NYAP2: variants seen among roughly 807,000 people sequenced by gnomAD.
NYAP2 encodes the protein neuronal tyrosine-phosphorylated phosphoinositide-3-kinase adapter 2.
Under a neutral mutation model 50.4 loss-of-function variants are expected in NYAP2, and 23 were observed. The observed-to-expected ratio is 0.46, with a 90% CI of 0.33 to 0.65. NYAP2 has a LOEUF of 0.65. NYAP2 is among the 30% of genes least tolerant of loss of function. NYAP2 has a pLI of 0.02. For synonymous variants in NYAP2, 394 were observed against 365.2 expected, an observed-to-expected ratio of 1.08 and a Z score of -0.90; for missense variants, 885 against 861.0, an observed-to-expected ratio of 1.03 and a Z score of -0.35.
In NYAP2 at chr2:225,581,939, A is replaced by G. The variant is rs1247408280; in HGVS notation, c.524-2A>G. On this transcript the variant is annotated splice_acceptor_variant, in intron 4 of 6. Coordinates refer to ENST00000636099, the Ensembl canonical transcript of NYAP2. LOFTEE classifies it high-confidence loss of function. ...ATTCCACTACGTTTTTTCTTCTTTT[A>G]GCGTCAGCTAAACCAAGACCCCACA... The G allele has an allele frequency of 6.3e-7, 1 of 1,586,080 alleles. No individual in the cohort carries two copies. The highest frequency in any genetic ancestry group is 8.6e-7 in the Non-Finnish European group (1 of 1,162,964).
At chr2:225,673,890 T>C in the NYAP2 span, among the ~76,000 whole-genome samples, 1 of 152,148 alleles carries the variant, frequency 6.6e-6, no homozygotes, top group Non-Finnish European at 1.5e-5. Flanking sequence ...GTGTACTCAC[T>C]ACCAACAGTC....
Position 225,582,722 on chromosome 2 carries a change from C to T in NYAP2, c.1305C>T (p.Thr435=), listed in dbSNP as rs1182623025. Residue 435 remains threonine, a synonymous_variant, in exon 5 of 7, where the codon ACC becomes ACT. Transcript: ENST00000636099. The surrounding 1 kb of genome is among the most constrained non-coding windows in gnomAD (Gnocchi z 7.0). ...ATGGCTACCCTAAAAGTCACTCCAC[C>T]TCTCCCTCCCCCGTCAGCATGGGGA... 5 of 1,611,052 alleles carry T rather than the reference C, an allele frequency of 3.1e-6. No homozygotes were observed. The highest frequency in any genetic ancestry group is 1.7e-5 in the Admixed American group (1 of 59,878).
intron 3 of NYAP2, 56 bp from the exon 4 acceptor site, chr2:225,513,315 C>T (rs1220339098): frequency 2.0e-6 from 3 of 1,515,402 alleles, no homozygotes; most frequent in East Asian, 4.5e-5. Context: ...CATGTATGAT[C>T]TTGTATATCC....
At chr2:225,469,769 ATG>A (rs957762214) in intron 3 of NYAP2, among the ~76,000 whole-genome samples, 97 of 152,262 alleles carry the variant, frequency 6.4e-4, no homozygotes, top group African/African-American at 2.2e-3. Flanking sequence ...AAAACACTGT[ATG>A]TTCTCACTCA....
At chr2:225,635,664 T>C (rs1693401439) in intron 6 of NYAP2, among the ~76,000 whole-genome samples, 1 of 152,328 alleles carries the variant, frequency 6.6e-6, no homozygotes, top group South Asian at 2.1e-4. Context: ...TATGCTTCAT[T>C]GACTTGTGCA....
intron 4 of NYAP2, among the ~76,000 whole-genome samples, chr2:225,531,079 C>T (rs571009701): frequency 6.6e-6 from 1 of 152,186 alleles, no homozygotes; most frequent in Non-Finnish European, 1.5e-5. Context: ...ATTATAGCAC[C>T]ATTCTGCTCA....
intron 5 of NYAP2, among the ~76,000 whole-genome samples, chr2:225,613,258 G>A (rs572263510): frequency 6.6e-6 from 1 of 152,106 alleles, no homozygotes; most frequent in Non-Finnish European, 1.5e-5. Context: ...TCCAAAGGCC[G>A]AAGAACCTGA....
At chr2:225,458,206 C>T (rs542753085) in intron 3 of NYAP2, among the ~76,000 whole-genome samples, 105 of 152,154 alleles carry the variant, frequency 6.9e-4, no homozygotes, top group African/African-American at 2.5e-3. Flanking sequence ...TTGTACTCTG[C>T]GTACTACAGG....
intron 5 of NYAP2, among the ~76,000 whole-genome samples, chr2:225,600,081 T>C (rs1692669253): frequency 6.6e-6 from 1 of 152,140 alleles, no homozygotes. Flanking sequence ...TTATTATTAC[T>C]CAGATCAGTC....
chr2:225,551,742 A>G (rs1691681245), intron 4 of NYAP2, among the ~76,000 whole-genome samples: 1 of 152,222 alleles, frequency 6.6e-6, no homozygotes, highest in South Asian at 2.1e-4. Context: ...CTTGGCCTCA[A>G]ACATTTTATT....
At chr2:225,536,271 T>C (rs542858816) in intron 4 of NYAP2, among the ~76,000 whole-genome samples, 115 of 152,294 alleles carry the variant, frequency 7.6e-4, no homozygotes, top group African/African-American at 2.6e-3. Context: ...TACCACATGG[T>C]AGGCAGCACA....
intron 3 of NYAP2, among the ~76,000 whole-genome samples, chr2:225,421,109 C>A (rs557419422): frequency 1.3e-5 from 2 of 151,826 alleles, no homozygotes; most frequent in African/African-American, 4.8e-5. Flanking sequence ...AGGGATCTCA[C>A]TATGTTGCCC....
At chr2:225,579,378 G>C (rs1302646246) in intron 4 of NYAP2, among the ~76,000 whole-genome samples, 2 of 152,056 alleles carry the variant, frequency 1.3e-5, no homozygotes, top group Non-Finnish European at 1.5e-5. Context: ...ATCTATACTT[G>C]GTTTGTCATT....
chr2:225,409,090 A>G, exon 3 of NYAP2: 1 of 1,591,818 alleles, frequency 6.3e-7, no homozygotes, highest in Non-Finnish European at 8.6e-7. Context: ...GACAAGAAGA[A>G]GCAATAAAGC....
chr2:225,426,407 G>A (rs1461562156), intron 3 of NYAP2, among the ~76,000 whole-genome samples: 1 of 152,186 alleles, frequency 6.6e-6, no homozygotes, highest in African/African-American at 2.4e-5. Context: ...TGCTAAGTCA[G>A]TGTGAACTCT....
At chr2:225,527,995 T>C (rs1691183570) in intron 4 of NYAP2, among the ~76,000 whole-genome samples, 1 of 152,166 alleles carries the variant, frequency 6.6e-6, no homozygotes, top group Non-Finnish European at 1.5e-5. Context: ...AAGCAATAAT[T>C]ATAACTGGAA....
intron 4 of NYAP2, among the ~76,000 whole-genome samples, chr2:225,556,038 T>C (rs1369128670): frequency 6.6e-6 from 1 of 152,216 alleles, no homozygotes; most frequent in Non-Finnish European, 1.5e-5. Context: ...GTTTATTGTC[T>C]AAGTCCTACT....
chr2:225,473,063 G>T (rs1437157283), intron 3 of NYAP2, among the ~76,000 whole-genome samples: 2 of 152,112 alleles, frequency 1.3e-5, no homozygotes, highest in Non-Finnish European at 2.9e-5. Context: ...GCGGTGTTTG[G>T]TTTTTTGTCC....
chr2:225,572,018 A>G (rs542215891), intron 4 of NYAP2, among the ~76,000 whole-genome samples: 1 of 152,350 alleles, frequency 6.6e-6, no homozygotes, highest in Admixed American at 6.5e-5. Context: ...TCTTTGCTAA[A>G]GCATAGCAAG....
Sources: allele counts gnomAD v4.1 joint callset (sites outside exome capture counted in the v4.1 genomes callset), GRCh38; gene constraint gnomAD v4.1.1; non-coding constraint Gnocchi (gnomAD v3.1); transcripts MANE v1.5; gene names NCBI Gene and HGNC (gene_info 2026-07-23, HGNC 2026-07-21).